The following TXNRD1 variants were observed in gnomAD, a reference collection of about 807,000 sequenced individuals.
The protein encoded by TXNRD1 is thioredoxin reductase 1.
Under a neutral mutation model 80.3 loss-of-function variants are expected in TXNRD1, and 57 were observed. The observed-to-expected ratio is 0.71, with a 90% confidence interval of 0.57 to 0.89. The LOEUF (loss-of-function observed/expected upper bound fraction) is 0.89, where lower values mean the gene tolerates loss of function less well. TXNRD1 is among the 40% of genes least tolerant of loss of function. The pLI, the probability that TXNRD1 is intolerant of heterozygous loss-of-function variation, is 0.00. For synonymous variants in TXNRD1, 291 were observed against 285.2 expected (o/e 1.02, Z -0.20); for missense variants, 730 against 803.0 (o/e 0.91, Z 1.10).
At chr12:104,303,712 T>G (rs2034742383) in intron 4 of TXNRD1, 32 of 673,340 alleles carry the variant, frequency 4.8e-5, no homozygotes, top group Middle Eastern at 4.4e-4. Context: ...TGGGGGCGGG[T>G]CGCGCCGGGC....
intron 4 of TXNRD1, chr12:104,310,218 T>C: frequency 9.1e-7 from 1 of 1,099,704 alleles, no homozygotes; most frequent in Non-Finnish European, 1.3e-6. Flanking sequence ...GGCGCAATCT[T>C]GGCTCACTGC....
At chr12:104,226,270 G>A (rs1260868308) in intron 1 of TXNRD1, among the ~76,000 whole-genome samples, 1 of 152,176 alleles carries the variant, frequency 6.6e-6, no homozygotes, top group Non-Finnish European at 1.5e-5. Flanking sequence ...TTAGGGACAG[G>A]TAGACAGTTA....
chr12:104,230,741 G>A (rs1344865770), intron 1 of TXNRD1, among the ~76,000 whole-genome samples: 1 of 152,200 alleles, frequency 6.6e-6, no homozygotes, highest in East Asian at 1.9e-4. Context: ...CAGAGGGAAA[G>A]TCAAGAGGAA....
intron 4 of TXNRD1, chr12:104,304,111 G>C (rs1223208956): frequency 6.2e-7 from 1 of 1,614,028 alleles, no homozygotes; most frequent in East Asian, 2.2e-5. Flanking sequence ...AGGACATCGT[G>C]AGCTCGGCGA....
At chr12:104,216,353 G>C (rs963477954) in intron 1 of TXNRD1, among the ~76,000 whole-genome samples, 3 of 152,198 alleles carry the variant, frequency 2.0e-5, no homozygotes, top group African/African-American at 7.2e-5. Context: ...CCCACTCCCA[G>C]CATCCTCCTC....
rs1036761913 is a variant in TXNRD1 at position 104,348,970 on chromosome 12, CT to C, written c.*550del. On this transcript the variant is annotated 3_prime_UTR_variant, in exon 17 of 17. Coordinates refer to ENST00000525566, the MANE Select transcript of TXNRD1 (RefSeq NM_001093771.3). Reference sequence around the variant, plus strand: ...CCCGGGAAAGAGAACTGTCCTGCAGCTGAAATGGACTGTTCTTTACTGACCT... The same window carrying C: ...CCCGGGAAAGAGAACTGTCCTGCAGCGAAATGGACTGTTCTTTACTGACCT... The C allele has an allele frequency of 1.9e-5, 3 of 154,644 alleles. No individual in the cohort carries two copies. The highest frequency in any genetic ancestry group is 4.3e-5 in the Non-Finnish European group (3 of 69,480). 9.6% of individuals were successfully genotyped at this position (154,644 alleles called of 1,614,324 possible).
In TXNRD1 at chr12:104,327,678, G is replaced by A; in HGVS notation, c.1542+7G>A. ...TGCAGGTTCCACTGTCAAGGTGAGT[G>A]TTGTGCTTGTTGCCCATTAGATACT... On this transcript the variant is annotated splice_region_variant and intron_variant, in intron 13 of 16. Transcript: ENST00000525566. The A allele has an allele frequency of 1.2e-6, 2 of 1,613,050 alleles. No homozygotes were observed. The highest frequency in any genetic ancestry group is 1.7e-6 in the Non-Finnish European group (2 of 1,179,598).
chr12:104,335,517 A>C (rs970958363), intron 15 of TXNRD1, among the ~76,000 whole-genome samples: 2 of 152,168 alleles, frequency 1.3e-5, no homozygotes, highest in Non-Finnish European at 2.9e-5. Flanking sequence ...GTACTTTTTT[A>C]GCAGAAACCT....
chr12:104,304,716 A>G, intron 4 of TXNRD1: 5 of 1,613,622 alleles, frequency 3.1e-6, no homozygotes, highest in Non-Finnish European at 4.2e-6. Context: ...AATATATTTT[A>G]TGTTTCTTTT....
chr12:104,325,676 A>G (rs998820312), intron 11 of TXNRD1, among the ~76,000 whole-genome samples: 3 of 152,198 alleles, frequency 2.0e-5, no homozygotes, highest in Non-Finnish European at 4.4e-5. Flanking sequence ...GATCGGGACC[A>G]TCCTGGCCAA....
intron 3 of TXNRD1, chr12:104,287,414 G>C (rs555715762): frequency 1.5e-5 from 25 of 1,613,914 alleles, no homozygotes; most frequent in East Asian, 2.2e-5. Flanking sequence ...ACAGTTTGCA[G>C]AACAGCGGAG....
At position 104,315,866 on chromosome 12, in the gene TXNRD1, C is replaced by T. The variant is rs751064845; in HGVS notation, c.700C>T (p.Arg234Ter). 1.2e-6 allele frequency: 2 copies of T among 1,611,152 alleles called. No homozygotes were observed. The highest frequency in any genetic ancestry group is 1.7e-6 in the Non-Finnish European group (2 of 1,178,252). ...GTTAGGACAAGCCCTGCAAGACTCTCGAAATTATGGATGGAAAGTCGAGGA... is the reference window on the plus strand; with the variant it reads ...GTTAGGACAAGCCCTGCAAGACTCTTGAAATTATGGATGGAAAGTCGAGGA... ...ALLGQALQDS[R>*]NYGWKVEETV... Residue 234 changes from arginine to a stop codon, truncating the protein, a stop_gained, in exon 7 of 17, where the codon CGA becomes TGA. Transcript: ENST00000525566. LOFTEE classifies it high-confidence loss of function.
chr12:104,281,699 C>A (rs2135735769), intron 3 of TXNRD1, among the ~76,000 whole-genome samples: 1 of 152,166 alleles, frequency 6.6e-6, no homozygotes, highest in Middle Eastern at 3.4e-3. Context: ...AGCCACCGAG[C>A]CCGGCCATAT....
At chr12:104,267,694 TTTCTTTCTCTCTTTCTTTCTTTCTTTC>T (rs765989176) in intron 3 of TXNRD1, among the ~76,000 whole-genome samples, 3,345 of 33,496 alleles carry the variant, frequency 0.1, 117 homozygotes, top group Admixed American at 0.14. Context: ...TCTTTCTTTC[TTTCTTTCTCTCTTTCTTTCTTTCTTTC>T]TCTTTCTTTC....
chr12:104,217,776 T>C lies in TXNRD1; in HGVS notation c.91+1883T>C, dbSNP rs2032250721. Among the ~76,000 whole-genome samples, 3 of 152,174 alleles carry C rather than the reference T, an allele frequency of 2.0e-5. No homozygotes were observed. The South Asian group carries it at 6.2e-4, about 32-fold the overall frequency. Reference sequence around the variant, plus strand: ...CAGCCCCTGGTATCCATCATTCTACTTTCTGTTTCTGTGAAATTTGGCTAC... The same window carrying C: ...CAGCCCCTGGTATCCATCATTCTACCTTCTGTTTCTGTGAAATTTGGCTAC... On this transcript the variant is annotated intron_variant, in intron 1 of 16. Transcript: ENST00000525566.
chr12:104,337,204 T>C (rs948135949), intron 15 of TXNRD1, among the ~76,000 whole-genome samples: 1 of 151,768 alleles, frequency 6.6e-6, no homozygotes, highest in Non-Finnish European at 1.5e-5. Context: ...CTCCTATGGA[T>C]ACGCTTTATT....
intron 12 of TXNRD1, among the ~76,000 whole-genome samples, chr12:104,326,994 C>T (rs1056349326): frequency 6.6e-6 from 1 of 151,744 alleles, no homozygotes; most frequent in Non-Finnish European, 1.5e-5. Context: ...GCCATCACAC[C>T]TATAATCATG....
At chr12:104,265,367 C>G (rs1223007686) in intron 3 of TXNRD1, 4 of 1,608,742 alleles carry the variant, frequency 2.5e-6, no homozygotes, top group Non-Finnish European at 3.4e-6. Context: ...CTGCCCACCC[C>G]CAAATGCCAC....
At chr12:104,281,306 T>G (rs748576140) in intron 3 of TXNRD1, among the ~76,000 whole-genome samples, 11 of 152,142 alleles carry the variant, frequency 7.2e-5, no homozygotes, top group Non-Finnish European at 1.2e-4. Context: ...TACCTTCAAA[T>G]GTATTTTTTA....
Sources: gnomAD v4.1 joint callset for allele counts (sites outside exome capture counted in the v4.1 genomes callset) on GRCh38, gnomAD v4.1.1 for gene constraint, MANE v1.5 for transcripts, NCBI Gene and HGNC (gene_info 2026-07-23, HGNC 2026-07-21) for gene names.